Variants in MRTFB observed in about 807,000 individuals in gnomAD.
MRTFB encodes the protein myocardin-related transcription factor B.
MRTFB carries 29 observed loss-of-function variants against 104.2 expected under a neutral mutation model. That is an observed-to-expected ratio of 0.28 (90% CI 0.21 to 0.38). MRTFB has a LOEUF of 0.38. MRTFB is among the 10% of genes least tolerant of loss of function. The pLI, the probability that MRTFB is intolerant of heterozygous loss-of-function variation, is 1.00. For missense variants in MRTFB, 1,270 were observed against 1,341.6 expected, an observed-to-expected ratio of 0.95 and a Z score of 0.83; for synonymous variants, 535 against 519.5, an observed-to-expected ratio of 1.03 and a Z score of -0.41.
At chr16:14,127,923 A>ATTTTT (rs1567355881) in intron 2 of MRTFB, among the ~76,000 whole-genome samples, 4 of 39,138 alleles carry the variant, frequency 1.0e-4, no homozygotes, top group African/African-American at 2.7e-4. Flanking sequence ...ATATATATAT[A>ATTTTT]TATATATTTT....
chr16:14,259,674 C>T (rs936670757), intron 16 of MRTFB, among the ~76,000 whole-genome samples: 2 of 152,108 alleles, frequency 1.3e-5, no homozygotes, highest in African/African-American at 2.4e-5. Flanking sequence ...TCACCAGAAC[C>T]CAGGAAGTGG....
chr16:14,138,852 A>G (rs537646777), intron 2 of MRTFB, among the ~76,000 whole-genome samples: 11 of 152,392 alleles, frequency 7.2e-5, no homozygotes, highest in Middle Eastern at 3.4e-3. Flanking sequence ...AAATGATGGT[A>G]GAACAATCAA....
At chr16:14,049,903 T>C in the MRTFB span, among the ~76,000 whole-genome samples, 2 of 152,160 alleles carry the variant, frequency 1.3e-5, no homozygotes, top group Non-Finnish European at 2.9e-5. Context: ...TGGCTAATTT[T>C]TGTGTTTTTA....
chr16:14,037,107 C>T, the MRTFB span, among the ~76,000 whole-genome samples: 1 of 152,100 alleles, frequency 6.6e-6, no homozygotes, highest in Non-Finnish European at 1.5e-5. Context: ...GCCGATGGGC[C>T]ACCGGTTTGC....
rs188581861 is a variant in MRTFB at position 14,247,630 on chromosome 16, C to T, written c.2247+123C>T. 4.6e-4 allele frequency: 381 copies of T among 820,018 alleles called. 2 individuals are homozygous for T. In the African/African-American group the frequency reaches 5.9e-3, roughly 13 times the overall value. The allele number at this position is 820,018 out of a possible 1,614,324, so 50.8% of individuals were successfully genotyped here. The stretch of plus-strand genomic sequence containing the variant: ...TCCAGAGCAGACCCCACGGAGAAAA[C>T]GTATGCATGTGTGAGAGGGTTATTC... On this transcript the variant is annotated intron_variant, in intron 12 of 16. Transcript: ENST00000571589.
At chr16:14,218,789 A>G (rs2041547429) in intron 7 of MRTFB, 31 bp from the exon 8 acceptor site, 1 of 1,565,200 alleles carries the variant, frequency 6.4e-7, no homozygotes, top group South Asian at 1.2e-5. Context: ...AAGCCAACAT[A>G]AGTCAAGTCA....
Position 14,245,649 on chromosome 16 carries a change from G to C in MRTFB, c.1201G>C (p.Asp401His), listed in dbSNP as rs1202015109. 6.2e-7 allele frequency: 1 copy of C among 1,611,916 alleles called. No homozygotes were observed. The highest frequency in any genetic ancestry group is 1.1e-5 in the South Asian group (1 of 90,278). Residue 401 changes from aspartate (D) to histidine (H), a missense_variant, in exon 11 of 17, where the codon GAT (aspartate) becomes CAT (histidine). Transcript: ENST00000571589. ...RKPGPLPSSL[D>H]DLKVSELKTE... is the part of the protein sequence containing the mutation. ...GCCAGGACCTCTGCCTTCTAGCCTG[G>C]ATGACTTAAAGGTGACAATTGCAAC...
At chr16:14,195,424 GTATA>G in intron 3 of MRTFB, 3 of 655,838 alleles carry the variant, frequency 4.6e-6, no homozygotes, top group Non-Finnish European at 5.7e-6. Context: ...ACATGTGTGT[GTATA>G]TATATACATA....
chr16:14,247,646 A>G lies in MRTFB; in HGVS notation c.2247+139A>G, dbSNP rs181035442. On this transcript the variant is annotated intron_variant, in intron 12 of 16. Transcript: ENST00000571589. ...CGGAGAAAACGTATGCATGTGTGAG[A>G]GGGTTATTCAGAAATCTGAATATCT... The G allele has an allele frequency of 3.8e-5, 27 of 716,206 alleles. No individual in the cohort carries two copies. In the East Asian group the frequency reaches 7.4e-4, roughly 20 times the overall value. 44.4% of individuals were successfully genotyped at this position (716,206 alleles called of 1,614,324 possible).
the MRTFB span, among the ~76,000 whole-genome samples, chr16:14,001,639 C>T: frequency 7.2e-5 from 11 of 152,364 alleles, no homozygotes; most frequent in Middle Eastern, 3.4e-3. Context: ...TCGTGTCCCA[C>T]GGTGAACACT....
Position 14,251,883 on chromosome 16 carries a change from TCA to T in MRTFB, c.2426_2427del (p.Ser809Ter), listed in dbSNP as rs757927792. 2.5e-5 allele frequency: 40 copies of T among 1,614,066 alleles called. No homozygotes were observed. The highest frequency in any genetic ancestry group is 3.3e-5 in the Non-Finnish European group (39 of 1,180,036). On this transcript the variant is annotated frameshift_variant, in exon 14 of 17. Transcript: ENST00000571589. LOFTEE classifies it high-confidence loss of function. ...ACAGGTTTTCACAAACTCAGCATCA[TCA>T]AATACAGTTCTTCCATATCAGAGAC... ...VRKVFTNSAS[S>X]NTVLPYQRHP...
the MRTFB span, among the ~76,000 whole-genome samples, chr16:13,995,635 C>T: frequency 6.6e-6 from 1 of 152,178 alleles, no homozygotes; most frequent in South Asian, 2.1e-4. Flanking sequence ...GTTTAATTGG[C>T]TCATGGTTCC....
rs570261882 is a variant in MRTFB at position 14,192,921 on chromosome 16, A to G, written c.155-17322A>G. Among the ~76,000 whole-genome samples the G allele has an allele frequency of 2.0e-5, 3 of 152,280 alleles. No individual in the cohort carries two copies. In the South Asian group the frequency reaches 6.2e-4, roughly 32 times the overall value. ...TCTTGACACCTTCCTTGACCTCCTC[A>G]GAACCTGTCACCAAGTCCTGCCGCC... On this transcript the variant is annotated intron_variant, in intron 3 of 16. Coordinates refer to ENST00000571589, the MANE Select transcript of MRTFB (RefSeq NM_001308142.2).
At chr16:14,241,964 CAAT>C (rs34609591) in intron 10 of MRTFB, among the ~76,000 whole-genome samples, 39,675 of 138,242 alleles carry the variant, frequency 0.29, 6,456 homozygotes, top group Non-Finnish European at 0.39. Context: ...CATTGGGCAC[CAAT>C]AATAATAATA....
the MRTFB span, among the ~76,000 whole-genome samples, chr16:14,027,600 T>C: frequency 1.3e-5 from 2 of 152,210 alleles, no homozygotes; most frequent in African/African-American, 4.8e-5. Context: ...GTCTGTTTCC[T>C]GGTTTTGAAA....
Position 14,177,503 on chromosome 16 carries a change from T to G in MRTFB, c.155-32740T>G, listed in dbSNP as rs2039622027. 6.6e-6 allele frequency among the ~76,000 whole-genome samples: 1 copy of G among 152,226 alleles called. No homozygotes were observed. On this transcript the variant is annotated intron_variant, in intron 3 of 16. Transcript: ENST00000571589. This position sits in a 1 kb window ranked among gnomAD's most constrained non-coding sequence, Gnocchi z 4.7. ...AGCAAAAGTGTGTCTTAAACTTAGA[T>G]GATTTAGTCTTAAGTATAGCATATA...
the MRTFB span, among the ~76,000 whole-genome samples, chr16:14,054,098 T>C: frequency 6.6e-6 from 1 of 152,246 alleles, no homozygotes; most frequent in Non-Finnish European, 1.5e-5. Context: ...GCCACTGCCC[T>C]CAAACACACC....
At chr16:13,998,859 G>A in the MRTFB span, among the ~76,000 whole-genome samples, 2 of 106,600 alleles carry the variant, frequency 1.9e-5, no homozygotes, top group Non-Finnish European at 3.5e-5. Flanking sequence ...GTGACAGAGT[G>A]AGACTCTGTT....
the MRTFB span, chr16:14,016,046 A>G: frequency 2.5e-6 from 1 of 398,500 alleles, no homozygotes; most frequent in Non-Finnish European, 4.4e-6. Context: ...TCTTGTCAGT[A>G]CCCCAGGATC....
Sources: gnomAD v4.1 joint callset for allele counts (sites outside exome capture counted in the v4.1 genomes callset) on GRCh38, gnomAD v4.1.1 for gene constraint, Gnocchi (gnomAD v3.1) non-coding constraint, MANE v1.5 for transcripts, NCBI Gene and HGNC (gene_info 2026-07-23, HGNC 2026-07-21) for gene names.